ARID1B: variants seen among roughly 807,000 people sequenced by gnomAD.
ARID1B encodes the protein AT-rich interactive domain-containing protein 1B.
A neutral mutation model predicts 212.3 loss-of-function variants in ARID1B; 30 were observed. That is an observed-to-expected ratio of 0.14 (90% CI 0.11 to 0.19). The LOEUF (loss-of-function observed/expected upper bound fraction) is 0.19. Ranked by LOEUF, ARID1B falls within the 10% of genes least tolerant of loss-of-function variation. The pLI is 1.00. For synonymous variants in ARID1B, 1,402 were observed against 1,301.7 expected, an observed-to-expected ratio of 1.08 and a Z score of -1.66; for missense variants, 2,891 against 3,204.0, an observed-to-expected ratio of 0.90 and a Z score of 2.36.
At chr6:156,907,742 C>CAAA (rs113702446) in intron 3 of ARID1B, among the ~76,000 whole-genome samples, 1 of 122,618 alleles carries the variant, frequency 8.2e-6, no homozygotes, top group Non-Finnish European at 1.8e-5. Flanking sequence ...ACTAAAAATG[C>CAAA]AAAAAAAAAA....
chr6:156,963,365 C>T (rs1203741340), intron 4 of ARID1B, among the ~76,000 whole-genome samples: 1 of 152,074 alleles, frequency 6.6e-6, no homozygotes, highest in Non-Finnish European at 1.5e-5. Context: ...CTTTCTTTCT[C>T]TGTGTGTATT....
intron 4 of ARID1B, among the ~76,000 whole-genome samples, chr6:157,083,839 G>T (rs1355843642): frequency 1.3e-5 from 2 of 152,082 alleles, no homozygotes; most frequent in Non-Finnish European, 2.9e-5. Context: ...GCACTTTATT[G>T]TAAGAATTTC....
rs1337744788 is a variant in ARID1B at position 157,198,865 on chromosome 6, G to A, written c.4437G>A (p.Pro1479=). The A allele has an allele frequency of 1.1e-5, 17 of 1,611,096 alleles. No homozygotes were observed. The highest frequency in any genetic ancestry group is 2.2e-5 in the East Asian group (1 of 44,818). ...GCCAAGGCCCTCCCTCGGGACAGCC[G>A]CCGTATGGAGGGCACCAGCCCGGCC... ...YPGQGPPSGQ[P]PYGGHQPGLY... The change falls in exon 17 of 20, where the codon CCG becomes CCA. Residue 1479 remains proline, a synonymous_variant. Transcript: ENST00000636930.
At chr6:156,944,473 G>A (rs1020731623) in intron 4 of ARID1B, among the ~76,000 whole-genome samples, 41 of 152,212 alleles carry the variant, frequency 2.7e-4, no homozygotes, top group African/African-American at 7.5e-4. Flanking sequence ...CCGTGATGTC[G>A]TTGCATATAG....
chr6:156,804,207 C>A (rs1381893809), intron 1 of ARID1B, among the ~76,000 whole-genome samples: 1 of 151,920 alleles, frequency 6.6e-6, no homozygotes, highest in African/African-American at 2.4e-5. Flanking sequence ...TGTGGTGGTG[C>A]ACGCCTGTAG....
chr6:157,021,807 A>G (rs1254127412), intron 4 of ARID1B, among the ~76,000 whole-genome samples: 1 of 151,800 alleles, frequency 6.6e-6, no homozygotes, highest in East Asian at 1.9e-4. Context: ...CTGCTGACAC[A>G]GCTTCGCGTA....
intron 19 of ARID1B, chr6:157,205,366 GT>G (rs1166556819): frequency 2.0e-5 from 3 of 152,240 alleles, no homozygotes; most frequent in Admixed American, 6.5e-5. Context: ...CCTAAACATG[GT>G]GGGGGGTGTT....
At chr6:156,812,982 ATATACATACG>A (rs1781676493) in intron 1 of ARID1B, among the ~76,000 whole-genome samples, 1 of 144,716 alleles carries the variant, frequency 6.9e-6, no homozygotes, top group Non-Finnish European at 1.5e-5. Context: ...GTGTGTATGT[ATATACATACG>A]TATGTATATA....
At chr6:156,786,991 CA>C (rs1779684214) in intron 1 of ARID1B, among the ~76,000 whole-genome samples, 1 of 129,352 alleles carries the variant, frequency 7.7e-6, no homozygotes, top group African/African-American at 2.9e-5. Flanking sequence ...TTTGGCAAAA[CA>C]AAATCTGGTC....
intron 6 of ARID1B, among the ~76,000 whole-genome samples, chr6:157,111,545 T>C (rs1462761462): frequency 6.6e-6 from 1 of 152,196 alleles, no homozygotes; most frequent in Non-Finnish European, 1.5e-5. Context: ...AGCTAATATG[T>C]ACTGGGCTCC....
At position 156,779,131 on chromosome 6, in the gene ARID1B, G is replaced by T. The variant is rs1442638389; in HGVS notation, c.1451G>T (p.Gly484Val). ...GCGGCCGCCGGCTCGGCGGCGGGGG[G>T]CTTCCAGCGCTTCGCCGGCCAGAAC... The part of the protein sequence containing the change: ...SKAAAGSAAG[G>V]FQRFAGQNQH... Residue 484 changes from glycine to valine, a missense_variant, in exon 1 of 20, where the codon GGC becomes GTC. Gly to Val is a moderately radical substitution (Grantham distance 109). This residue lies in a region of ARID1B where 1,643 missense variants were observed against 1,544.0 expected (regional missense o/e 1.06). Transcript: ENST00000636930. 3 of 1,248,818 alleles carry T rather than the reference G, an allele frequency of 2.4e-6. No homozygotes were observed. The highest frequency in any genetic ancestry group is 8.4e-5 in the Admixed American group (2 of 23,864). 77.4% of individuals were successfully genotyped at this position (1,248,818 alleles called of 1,614,324 possible).
chr6:156,933,511 A>T (rs182966098), intron 3 of ARID1B, among the ~76,000 whole-genome samples: 1 of 152,172 alleles, frequency 6.6e-6, no homozygotes, highest in Admixed American at 6.5e-5. Flanking sequence ...TTTGAGGGGG[A>T]AGGTGGTGGG....
At chr6:156,912,990 T>G (rs960921488) in intron 3 of ARID1B, among the ~76,000 whole-genome samples, 4 of 151,958 alleles carry the variant, frequency 2.6e-5, no homozygotes, top group African/African-American at 9.7e-5. Flanking sequence ...TTATTTCAAC[T>G]ATTCTATTGA....
chr6:156,795,353 A>G (rs973811360), intron 1 of ARID1B, among the ~76,000 whole-genome samples: 5 of 152,318 alleles, frequency 3.3e-5, no homozygotes, highest in African/African-American at 1.2e-4. Context: ...GGAGGCCGGA[A>G]GGTAGGAGAG....
chr6:156,905,245 T>TGCAC (rs1327700281), intron 3 of ARID1B, among the ~76,000 whole-genome samples: 16 of 83,036 alleles, frequency 1.9e-4, no homozygotes, highest in African/African-American at 9.5e-4. Context: ...TGCTCACATA[T>TGCAC]GCACGCACAC....
intron 4 of ARID1B, among the ~76,000 whole-genome samples, chr6:156,973,101 G>T (rs939280378): frequency 2.6e-5 from 4 of 152,176 alleles, no homozygotes; most frequent in African/African-American, 9.7e-5. Context: ...CTAAGACTTT[G>T]TGCCGTGCAG....
chr6:156,910,093 G>A (rs981729850), intron 3 of ARID1B, among the ~76,000 whole-genome samples: 1 of 152,204 alleles, frequency 6.6e-6, no homozygotes, highest in African/African-American at 2.4e-5. Flanking sequence ...CTTCATAGGC[G>A]ATGCTGTGCG....
At chr6:156,861,144 G>A (rs1268896688) in intron 2 of ARID1B, among the ~76,000 whole-genome samples, 1 of 152,188 alleles carries the variant, frequency 6.6e-6, no homozygotes, top group Non-Finnish European at 1.5e-5. Context: ...ACATTTGAAG[G>A]TGCCAGTGAA....
At chr6:157,063,294 G>T (rs1179598536) in intron 4 of ARID1B, among the ~76,000 whole-genome samples, 1 of 152,126 alleles carries the variant, frequency 6.6e-6, no homozygotes, top group East Asian at 1.9e-4. Flanking sequence ...TTACTGAGCA[G>T]CAAGCAAATA....
Sources: allele counts gnomAD v4.1 joint callset (sites outside exome capture counted in the v4.1 genomes callset), GRCh38; gene constraint gnomAD v4.1.1; regional missense constraint gnomAD v4.1.1; transcripts MANE v1.5; gene names NCBI Gene and HGNC (gene_info 2026-07-23, HGNC 2026-07-21).